SEMA3E: variants seen among roughly 807,000 people sequenced by gnomAD.
SEMA3E encodes the protein semaphorin-3E.
Under a neutral mutation model 93.6 loss-of-function variants are expected in SEMA3E, and 49 were observed. That is an observed-to-expected ratio of 0.52 (90% confidence interval 0.42 to 0.66). The LOEUF (loss-of-function observed/expected upper bound fraction) is 0.66. SEMA3E is among the 30% of genes least tolerant of loss of function. SEMA3E has a pLI of 0.00. For missense variants in SEMA3E, 906 were observed against 964.8 expected (o/e 0.94, Z 0.81); for synonymous variants, 363 against 330.7 (o/e 1.10, Z -1.06).
At chr7:83,532,261 G>C (rs1464311520) in intron 1 of SEMA3E, among the ~76,000 whole-genome samples, 1 of 152,056 alleles carries the variant, frequency 6.6e-6, no homozygotes, top group Non-Finnish European at 1.5e-5. Flanking sequence ...TCACATTCTG[G>C]AGAGATAATT....
At chr7:83,394,207 C>T (rs1788072597) in intron 13 of SEMA3E, 90 bp downstream of exon 13, 2 of 1,318,004 alleles carry the variant, frequency 1.5e-6, no homozygotes, top group Non-Finnish European at 2.1e-6. Context: ...CATATTTAAG[C>T]ACATGTACTA....
At chr7:83,394,391 C>T (rs1562761155) in intron 12 of SEMA3E, 53 bp from the exon 13 acceptor site, 4 of 1,451,636 alleles carry the variant, frequency 2.8e-6, no homozygotes. Context: ...AAAACATTTA[C>T]CTTAATATGG....
intron 1 of SEMA3E, among the ~76,000 whole-genome samples, chr7:83,512,591 A>G (rs1790847241): frequency 6.6e-6 from 1 of 152,232 alleles, no homozygotes; most frequent in African/African-American, 2.4e-5. Context: ...GATATTTCAG[A>G]GATAGTTGTG....
At chr7:83,427,030 G>T (rs951467650) in intron 4 of SEMA3E, among the ~76,000 whole-genome samples, 1 of 151,886 alleles carries the variant, frequency 6.6e-6, no homozygotes, top group Non-Finnish European at 1.5e-5. Context: ...TATTAAAAAA[G>T]AAATCAAAGA....
chr7:83,560,611 T>A (rs1792011220), intron 1 of SEMA3E, among the ~76,000 whole-genome samples: 2 of 152,102 alleles, frequency 1.3e-5, no homozygotes, highest in African/African-American at 4.8e-5. Context: ...GTTCTTAGAA[T>A]TCTCCTTTGA....
chr7:83,606,776 T>C (rs199585066), intron 1 of SEMA3E, among the ~76,000 whole-genome samples: 1 of 102,708 alleles, frequency 9.7e-6, no homozygotes, highest in East Asian at 2.6e-4. Context: ...AAAAAAAAAA[T>C]TAAAAAAAAA....
rs551176272 is a variant in SEMA3E, at chr7:83,541,907, C to T, written c.116-51633G>A. On this transcript the variant is annotated intron_variant, in intron 1 of 16. Coordinates refer to ENST00000643230, the MANE Select transcript of SEMA3E (RefSeq NM_012431.3). ...ATAGGAGAACATACTCTAGAAGAGG[C>T]CCTGGAATGAGAAGTTTTAAGGAAA... Among the ~76,000 whole-genome samples, 10 of 151,982 alleles carry T rather than the reference C, an allele frequency of 6.6e-5. No homozygotes were observed. In the South Asian group the frequency reaches 2.1e-3, roughly 32 times the overall value.
chr7:83,547,787 G>C (rs1054055177), intron 1 of SEMA3E, among the ~76,000 whole-genome samples: 2 of 151,998 alleles, frequency 1.3e-5, no homozygotes, highest in African/African-American at 4.8e-5. Context: ...AGTTTCAGAG[G>C]GGTATATCCT....
intron 1 of SEMA3E, among the ~76,000 whole-genome samples, chr7:83,587,069 T>C (rs1437201740): frequency 6.6e-6 from 1 of 152,178 alleles, no homozygotes; most frequent in African/African-American, 2.4e-5. Flanking sequence ...GTTTGTCTTT[T>C]ATTCCTTTCT....
chr7:83,571,903 C>T (rs186967266), intron 1 of SEMA3E, among the ~76,000 whole-genome samples: 12 of 152,118 alleles, frequency 7.9e-5, no homozygotes, highest in Admixed American at 3.3e-4. Context: ...AATGTATAAA[C>T]ATCAGTAGCA....
At chr7:83,399,525 T>G (rs1263755772) in intron 11 of SEMA3E, among the ~76,000 whole-genome samples, 1 of 152,180 alleles carries the variant, frequency 6.6e-6, no homozygotes. Context: ...TCACAAAATC[T>G]CCAGGACTCG....
intron 7 of SEMA3E, among the ~76,000 whole-genome samples, chr7:83,406,288 G>A (rs1434009314): frequency 1.3e-5 from 2 of 151,774 alleles, no homozygotes; most frequent in East Asian, 3.9e-4. Flanking sequence ...CCCTGATACA[G>A]TAAATATATT....
At chr7:83,593,806 G>A (rs1281818116) in intron 1 of SEMA3E, among the ~76,000 whole-genome samples, 3 of 151,912 alleles carry the variant, frequency 2.0e-5, no homozygotes, top group Admixed American at 6.6e-5. Flanking sequence ...GTATCCAATC[G>A]GCCCTCAGTG....
intron 1 of SEMA3E, among the ~76,000 whole-genome samples, chr7:83,568,339 C>T (rs1792206630): frequency 6.6e-6 from 1 of 151,988 alleles, no homozygotes; most frequent in South Asian, 2.1e-4. Context: ...TATTCTGAAA[C>T]ATTGAAGAGG....
intron 4 of SEMA3E, among the ~76,000 whole-genome samples, chr7:83,440,266 TGAGAA>T (rs1271408359): frequency 5.9e-5 from 9 of 152,042 alleles, no homozygotes; most frequent in Admixed American, 3.9e-4. Context: ...CATAGTGTTA[TGAGAA>T]GAGGAGAACA....
chr7:83,432,394 G>A (rs1266085113), intron 4 of SEMA3E, among the ~76,000 whole-genome samples: 1 of 151,742 alleles, frequency 6.6e-6, no homozygotes, highest in Non-Finnish European at 1.5e-5. Flanking sequence ...ATCAAAATAA[G>A]ACAAATAAAA....
In SEMA3E at chr7:83,467,057, CTT is replaced by C. The variant is rs59059670; in HGVS notation, c.337-458_337-457del. On this transcript the variant is annotated intron_variant, in intron 3 of 16. Transcript: ENST00000643230. ...AGTTATTCATATGGAAATATGCAGT[CTT>C]TTTTTTTTTTTTTTTTTTTTCCCAA... Among the ~76,000 whole-genome samples, 584 of 117,122 alleles carry C rather than the reference CTT, an allele frequency of 5.0e-3. 4 individuals are homozygous for C. Among genetic ancestry groups the C allele is most frequent in the African/African-American group, 9.4e-3 (272 of 28,984 alleles). The allele number at this position is 117,122 out of a possible 152,430, so 76.8% of individuals were successfully genotyped here. A position where few individuals can be genotyped will look rare whatever the true frequency, so the allele number is the denominator to read the frequency against.
chr7:83,400,041 C>G lies in SEMA3E; in HGVS notation c.1353G>C (p.Leu451Phe). The G allele has an allele frequency of 6.2e-7, 1 of 1,611,442 alleles. No individual in the cohort carries two copies. Among genetic ancestry groups the G allele is most frequent in the East Asian group, 2.2e-5 (1 of 44,844 alleles). ...TCGTCTCTTTACCTGTCCCAATAAACAAGACGTCATATTGGCCATCCTCAG... is the reference window on the plus strand; with the variant it reads ...TCGTCTCTTTACCTGTCCCAATAAAGAAGACGTCATATTGGCCATCCTCAG... ...VEAEDGQYDVLFIGTDNGIVL... is the reference protein window; with the variant it reads ...VEAEDGQYDVFFIGTDNGIVL... The change falls in exon 11 of 17, where the codon TTG (leucine) becomes TTC (phenylalanine). Residue 451 changes from leucine (L) to phenylalanine (F), a missense_variant. By Grantham distance (22) the Leu-to-Phe change is conservative. Coordinates refer to ENST00000643230, the MANE Select transcript of SEMA3E (RefSeq NM_012431.3).
intron 1 of SEMA3E, among the ~76,000 whole-genome samples, chr7:83,623,256 C>A (rs1222013516): frequency 6.6e-6 from 1 of 151,884 alleles, no homozygotes; most frequent in Non-Finnish European, 1.5e-5. Flanking sequence ...TAGAAACAAC[C>A]AAAATTGCCT....
Sources: gnomAD v4.1 joint callset for allele counts (sites outside exome capture counted in the v4.1 genomes callset) on GRCh38, gnomAD v4.1.1 for gene constraint, MANE v1.5 for transcripts, NCBI Gene and HGNC (gene_info 2026-07-23, HGNC 2026-07-21) for gene names.